Variants in THNSL2 observed in about 807,000 individuals in gnomAD.
THNSL2 encodes the protein threonine synthase like 2, also known as threonine synthase-like 2.
THNSL2 carries 34 observed loss-of-function variants against 40.0 expected under a neutral mutation model. The observed-to-expected ratio is 0.85, with a 90% confidence interval of 0.65 to 1.13. The LOEUF is 1.13. Ranked by LOEUF, THNSL2 falls within the 50% of genes most tolerant of loss-of-function variation. The probability of loss-of-function intolerance (pLI) is 0.00; values close to 1 mark genes in which losing one functional copy is unlikely to be tolerated. For synonymous variants in THNSL2, 241 were observed against 247.5 expected (o/e 0.97, Z 0.25); for missense variants, 537 against 608.8 (o/e 0.88, Z 1.24).
At chr2:88,181,999 G>T (rs1480198085) in intron 5 of THNSL2, among the ~76,000 whole-genome samples, 1 of 152,070 alleles carries the variant, frequency 6.6e-6, no homozygotes, top group African/African-American at 2.4e-5. Flanking sequence ...GGTATATTTT[G>T]TTTATCAGTT....
At chr2:88,172,969 G>C (rs1386391575) in intron 1 of THNSL2, 170 bp from the exon 2 acceptor site, 1 of 427,092 alleles carries the variant, frequency 2.3e-6, no homozygotes, top group Non-Finnish European at 4.1e-6. Context: ...CACAGTTGTA[G>C]ATGAAGCTGG....
chr2:88,186,088 C>T lies in THNSL2; in HGVS notation c.1420C>T (p.Gln474Ter), dbSNP rs747338957. 3.2e-6 allele frequency: 5 copies of T among 1,564,250 alleles called. No homozygotes were observed. The highest frequency in any genetic ancestry group is 2.7e-5 in the African/African-American group (2 of 73,864). ...LRDTIEDLSR[Q>*]WRSHALNTSQ ...GGACACCATTGAGGACCTTAGCCGA[C>T]AGTGGAGGAGTCATGCCCTCAACAC... The change falls in exon 9 of 9, where the codon CAG becomes TAG. Residue 474 changes from glutamine to a stop codon, truncating the protein, a stop_gained. Transcript: ENST00000674334. LOFTEE classifies it low-confidence loss of function (END_TRUNC).
At chr2:88,178,669 C>G in intron 4 of THNSL2, 114 bp from the exon 5 acceptor site, 2 of 1,072,564 alleles carry the variant, frequency 1.9e-6, no homozygotes, top group Middle Eastern at 2.8e-4. Flanking sequence ...CTAGGCTGCG[C>G]GAAGGTCCCA....
rs1282013650 is a variant in THNSL2 at position 88,170,415 on chromosome 2, C to CGCGCCCG, written c.-48_-47insGGCGCCC. The CGCGCCCG allele has an allele frequency of 1.5e-3, 25 of 16,340 alleles. No homozygotes were observed. Among genetic ancestry groups the CGCGCCCG allele is most frequent in the South Asian group, 0.014 (25 of 1,798 alleles). 1.0% of individuals were successfully genotyped at this position (16,340 alleles called of 1,614,324 possible). A position where few individuals can be genotyped will look rare whatever the true frequency, so the allele number is the denominator to read the frequency against. On this transcript the variant is annotated 5_prime_UTR_variant, in exon 1 of 9. Transcript: ENST00000674334. ...GGCAGCCCTGCTGCGCACCGGGCCT[C>CGCGCCCG]GCGCCCCGCGCCCCGCGCCCCGCGC...
chr2:88,185,730 G>A (rs570492780), intron 8 of THNSL2, 168 bp from the exon 9 acceptor site: 90 of 1,550,154 alleles, frequency 5.8e-5, no homozygotes, highest in Middle Eastern at 1.8e-4. Context: ...GCCAGGTAGC[G>A]TCATTGTAGC....
intron 7 of THNSL2, 44 bp downstream of exon 7, chr2:88,183,117 C>G: frequency 6.3e-7 from 1 of 1,590,940 alleles, no homozygotes; most frequent in Non-Finnish European, 8.6e-7. Flanking sequence ...AAGGGTACAG[C>G]CACATAGCAG....
At chr2:88,173,453 A>G in intron 2 of THNSL2, 80 bp downstream of exon 2, 1 of 1,071,306 alleles carries the variant, frequency 9.3e-7, no homozygotes, top group Non-Finnish European at 1.2e-6. Context: ...TCACCAAACC[A>G]CTAGGAAGTC....
At position 88,175,297 on chromosome 2, in the gene THNSL2, C is replaced by T. The variant is rs774004139; in HGVS notation, c.467C>T (p.Ala156Val). The T allele has an allele frequency of 4.5e-5, 73 of 1,614,022 alleles. 1 individual carries two copies. The highest frequency in any genetic ancestry group is 1.2e-4 in the Admixed American group (7 of 59,998). Residue 156 changes from alanine to valine, a missense_variant, in exon 4 of 9, where the codon GCA becomes GTA. Ala to Val is a moderately conservative substitution (Grantham distance 64). Transcript: ENST00000674334. The stretch of plus-strand genomic sequence containing the variant: ...GCTGCCATTGAGAGTGTTCAAGGGG[C>T]AAAGAACATGGACATTATCGTTCTG... ...GSAAIESVQG[A>V]KNMDIIVLLP...
At chr2:88,170,831 C>T (rs1195892406) in intron 1 of THNSL2, among the ~76,000 whole-genome samples, 1 of 146,146 alleles carries the variant, frequency 6.8e-6, no homozygotes, top group African/African-American at 2.4e-5. Context: ...GCCTCCACCC[C>T]TAGGGGTGCC....
chr2:88,182,462 A>G lies in THNSL2; in HGVS notation c.803-237A>G, dbSNP rs764075181. 1.1e-5 allele frequency: 4 copies of G among 360,876 alleles called. 1 individual carries two copies. The East Asian group carries it at 1.8e-4, about 16-fold the overall frequency. The allele number at this position is 360,876 out of a possible 1,614,324, so 22.4% of individuals were successfully genotyped here. On this transcript the variant is annotated intron_variant, in intron 5 of 8. Coordinates refer to ENST00000674334, the MANE Select transcript of THNSL2 (RefSeq NM_018271.5). ...TTTTAATTGGGTTATTTGTATTTTT[A>G]TTATTGAGTTGCAACAGTTCTTTAT...
In THNSL2 at chr2:88,185,345, A is replaced by G; in HGVS notation, c.1095A>G (p.Thr365=). 2 of 1,613,628 alleles carry G rather than the reference A, an allele frequency of 1.2e-6. No individual in the cohort carries two copies. Among genetic ancestry groups the G allele is most frequent in the Non-Finnish European group, 1.7e-6 (2 of 1,179,876 alleles). ...CCCTTCAGCTTTCAGAGGCAGTGAC[A>G]TCCGTGTCAGTGTCGGATGAAGCCA... ...ELHSKLSEAV[T]SVSVSDEAIT... Residue 365 remains threonine (T), a synonymous_variant, in exon 8 of 9, where the codon ACA becomes ACG. Coordinates refer to ENST00000674334, the MANE Select transcript of THNSL2 (RefSeq NM_018271.5).
At position 88,182,943 on chromosome 2, in the gene THNSL2, C is replaced by A. The variant is rs1194092691; in HGVS notation, c.952-5C>A. On this transcript the variant is annotated splice_polypyrimidine_tract_variant and splice_region_variant and intron_variant, in intron 6 of 8. Coordinates refer to ENST00000674334, the MANE Select transcript of THNSL2 (RefSeq NM_018271.5). Reference sequence around the variant, plus strand: ...GTCTGGACCTGAAACTGACTTTCTGCTCAGGTGCCCTACAACATGGAGAGG... The same window carrying A: ...GTCTGGACCTGAAACTGACTTTCTGATCAGGTGCCCTACAACATGGAGAGG... 1.1e-5 allele frequency: 18 copies of A among 1,614,146 alleles called. No individual in the cohort carries two copies. Among genetic ancestry groups the A allele is most frequent in the Non-Finnish European group, 1.5e-5 (18 of 1,180,016 alleles).
At chr2:88,174,953 T>C (rs1676755355) in intron 3 of THNSL2, 120 bp downstream of exon 3, 5 of 1,220,762 alleles carry the variant, frequency 4.1e-6, no homozygotes, top group Non-Finnish European at 5.7e-6. Flanking sequence ...CAGAGCAAGG[T>C]TCCTAACATT....
In THNSL2 at chr2:88,174,649, C is replaced by T. The variant is rs1331295203; in HGVS notation, c.234C>T (p.Asp78=). 2 of 1,614,052 alleles carry T rather than the reference C, an allele frequency of 1.2e-6. No homozygotes were observed. Among genetic ancestry groups the T allele is most frequent in the Non-Finnish European group, 1.7e-6 (2 of 1,179,942 alleles). Reference sequence around the variant, plus strand: ...CCACTACCCTCACAGATCTGATCGACCGAGCCTTCAGCAGATTCCGTCACA... The same window carrying T: ...CCACTACCCTCACAGATCTGATCGATCGAGCCTTCAGCAGATTCCGTCACA... ...LPKDELNDLI[D]RAFSRFRHRE... The change falls in exon 3 of 9, where the codon GAC becomes GAT. Residue 78 remains aspartate, a synonymous_variant. Coordinates refer to ENST00000674334, the MANE Select transcript of THNSL2 (RefSeq NM_018271.5).
chr2:88,186,377 G>A lies in THNSL2; in HGVS notation c.*254G>A. The A allele has an allele frequency of 1.9e-6, 1 of 518,534 alleles. No homozygotes were observed. 32.1% of individuals were successfully genotyped at this position (518,534 alleles called of 1,614,324 possible). On this transcript the variant is annotated 3_prime_UTR_variant, in exon 9 of 9. Transcript: ENST00000674334. ...CGGCCCGTGCAGCAGTGTCTGAGCT[G>A]TAGTGAAAGTTTCAGGGCCTGCAAA...
At chr2:88,173,600 T>TTCTC (rs952692229) in intron 2 of THNSL2, among the ~76,000 whole-genome samples, 1 of 151,936 alleles carries the variant, frequency 6.6e-6, no homozygotes, top group African/African-American at 2.4e-5. Context: ...AATTCTTTCT[T>TTCTC]TCTCTCTCTT....
chr2:88,184,131 A>G (rs556023612), intron 7 of THNSL2, among the ~76,000 whole-genome samples: 1 of 152,348 alleles, frequency 6.6e-6, no homozygotes, highest in Non-Finnish European at 1.5e-5. Flanking sequence ...AGCCATACCA[A>G]TGCAGACTGG....
chr2:88,182,761 G>T lies in THNSL2; in HGVS notation c.865G>T (p.Asp289Tyr), dbSNP rs1216127117. Residue 289 changes from aspartate to tyrosine, a missense_variant, in exon 6 of 9, where the codon GAC (aspartate) becomes TAC (tyrosine). Transcript: ENST00000674334. The part of the protein sequence containing the change: ...IRLVVAVNRN[D>Y]IIHRTVQQGD... ...TCTGGTCGTGGCAGTGAACCGCAAT[G>T]ACATCATCCACAGGACTGTCCAGCA... 11 of 1,614,066 alleles carry T rather than the reference G, an allele frequency of 6.8e-6. No homozygotes were observed. The highest frequency in any genetic ancestry group is 8.5e-6 in the Non-Finnish European group (10 of 1,180,048).
chr2:88,171,414 C>T (rs1248647738), intron 1 of THNSL2: 5 of 438,746 alleles, frequency 1.1e-5, no homozygotes, highest in Non-Finnish European at 2.3e-5. Context: ...TTCCCAGTGC[C>T]CCAGGTGTGA....
Sources: gnomAD v4.1 joint callset for allele counts (sites outside exome capture counted in the v4.1 genomes callset) on GRCh38, gnomAD v4.1.1 for gene constraint, MANE v1.5 for transcripts, NCBI Gene and HGNC (gene_info 2026-07-23, HGNC 2026-07-21) for gene names.